The following FRMD4A variants were observed in gnomAD, a reference collection of about 807,000 sequenced individuals.
FRMD4A encodes FERM domain containing 4A.
In FRMD4A, 29 loss-of-function variants were observed where a neutral mutation model predicts 129.1. The ratio of observed to expected loss-of-function variants is 0.22; its 90% confidence interval spans 0.17 to 0.31. FRMD4A has a LOEUF of 0.31. Among genes scored for constraint, FRMD4A ranks in the 10% least tolerant of loss-of-function variants. The pLI is 1.00. For synonymous variants in FRMD4A, 634 were observed against 571.6 expected (o/e 1.11, Z -1.56); for missense variants, 1,272 against 1,375.8 (o/e 0.92, Z 1.19).
In FRMD4A at chr10:14,174,943, T is replaced by C. The variant is rs77025769; in HGVS notation, c.45+155115A>G. 6.8e-3 allele frequency among the ~76,000 whole-genome samples: 1,031 copies of C among 150,976 alleles called. 8 individuals are homozygous for C. The highest frequency in any genetic ancestry group is 0.021 in the African/African-American group (870 of 41,088). ...TGGACGCGCGCGTACGGGCACACTG[T>C]CCAGGAGTCCAAATAAATCAGGATT... On this transcript the variant is annotated intron_variant, in intron 2 of 24. Coordinates refer to ENST00000357447, the MANE Select transcript of FRMD4A (RefSeq NM_018027.5).
chr10:13,983,150 G>A (rs1271479470), intron 2 of FRMD4A, among the ~76,000 whole-genome samples: 3 of 152,104 alleles, frequency 2.0e-5, no homozygotes, highest in Non-Finnish European at 2.9e-5. Flanking sequence ...TAGTGGAGAT[G>A]AGGTTTCACC....
chr10:13,811,739 C>T (rs1196689437), intron 3 of FRMD4A, among the ~76,000 whole-genome samples: 5 of 152,148 alleles, frequency 3.3e-5, no homozygotes, highest in Non-Finnish European at 7.3e-5. Context: ...GAAAGGCTGT[C>T]TGATGCGGAA....
intron 2 of FRMD4A, among the ~76,000 whole-genome samples, chr10:14,011,483 A>G (rs1310091383): frequency 6.6e-6 from 1 of 152,128 alleles, no homozygotes; most frequent in East Asian, 1.9e-4. Flanking sequence ...GCCTTCATCC[A>G]TGGTCAAGGG....
intron 2 of FRMD4A, among the ~76,000 whole-genome samples, chr10:13,903,812 G>A (rs879546930): frequency 2.9e-4 from 44 of 152,292 alleles, no homozygotes; most frequent in Admixed American, 2.7e-3. Flanking sequence ...GAACCCAGGT[G>A]TTGGAGGCTG....
intron 3 of FRMD4A, among the ~76,000 whole-genome samples, chr10:13,839,715 T>C (rs2093932820): frequency 1.3e-5 from 2 of 152,284 alleles, no homozygotes; most frequent in African/African-American, 4.8e-5. Context: ...AGGCTCCTGG[T>C]TCAGGAAAGG....
At chr10:14,182,606 A>T (rs1841949556) in intron 2 of FRMD4A, among the ~76,000 whole-genome samples, 1 of 152,156 alleles carries the variant, frequency 6.6e-6, no homozygotes, top group Non-Finnish European at 1.5e-5. Flanking sequence ...GGTGTGAAAG[A>T]GACCCCCATC....
chr10:14,082,341 A>G (rs1005608012), intron 2 of FRMD4A, among the ~76,000 whole-genome samples: 3 of 152,226 alleles, frequency 2.0e-5, no homozygotes, highest in Non-Finnish European at 4.4e-5. Flanking sequence ...AACCAACATA[A>G]GTAATTTCAG....
intron 12 of FRMD4A, among the ~76,000 whole-genome samples, chr10:13,724,769 G>A (rs923378362): frequency 2.0e-5 from 3 of 152,194 alleles, no homozygotes; most frequent in African/African-American, 4.8e-5. Context: ...CACAATCAAC[G>A]TGGCTATTTA....
At chr10:13,840,370 G>C (rs1564891059) in intron 3 of FRMD4A, among the ~76,000 whole-genome samples, 1 of 152,218 alleles carries the variant, frequency 6.6e-6, no homozygotes, top group Non-Finnish European at 1.5e-5. Context: ...CACCAAACCT[G>C]CCGAGACTCT....
chr10:14,330,215 G>A, intron 1 of FRMD4A, 32 bp from the exon 2 acceptor site: 2 of 1,067,508 alleles, frequency 1.9e-6, no homozygotes, highest in Non-Finnish European at 2.8e-6. Context: ...TCCAGACTTA[G>A]GGAGCAAAAG....
At chr10:13,738,015 G>C in intron 11 of FRMD4A, 85 bp from the exon 12 acceptor site, 1 of 783,210 alleles carries the variant, frequency 1.3e-6, no homozygotes, top group Non-Finnish European at 2.2e-6. Flanking sequence ...CTCAGGGGCA[G>C]ACGAGGGAAA....
intron 2 of FRMD4A, among the ~76,000 whole-genome samples, chr10:14,060,687 C>T (rs897857499): frequency 7.9e-5 from 12 of 152,200 alleles, no homozygotes; most frequent in Middle Eastern, 6.8e-3. Flanking sequence ...AAATCATTTC[C>T]ATATATGGGA....
rs1361714951 is a variant in FRMD4A at position 14,069,567 on chromosome 10, A to C, written c.46-210655T>G. On this transcript the variant is annotated intron_variant, in intron 2 of 24. Transcript: ENST00000357447. Reference sequence around the variant, plus strand: ...ATGACAGCATGCAGAAAATACTGTAAGAACAATTTAAGGGGATTTCCACAA... The same window carrying C: ...ATGACAGCATGCAGAAAATACTGTACGAACAATTTAAGGGGATTTCCACAA... 2.0e-5 allele frequency among the ~76,000 whole-genome samples: 3 copies of C among 152,220 alleles called. No individual in the cohort carries two copies. The East Asian group carries it at 5.8e-4, about 29-fold the overall frequency.
intron 3 of FRMD4A, among the ~76,000 whole-genome samples, chr10:13,852,116 C>A (rs1033683123): frequency 3.3e-5 from 5 of 152,086 alleles, no homozygotes; most frequent in African/African-American, 4.8e-5. Flanking sequence ...ACCTCCCACA[C>A]CCCATCTGTG....
chr10:13,678,136 A>G (rs1589326509), intron 15 of FRMD4A, among the ~76,000 whole-genome samples: 1 of 152,282 alleles, frequency 6.6e-6, no homozygotes, highest in South Asian at 2.1e-4. Context: ...CATTAATGCT[A>G]CCCAAATTAT....
chr10:13,958,456 TG>T, intron 2 of FRMD4A, among the ~76,000 whole-genome samples: 1 of 151,706 alleles, frequency 6.6e-6, no homozygotes, highest in Non-Finnish European at 1.5e-5. Flanking sequence ...GCTAATTTTT[TG>T]TATTTTTAGT....
At chr10:13,960,085 G>A (rs1433522489) in intron 2 of FRMD4A, among the ~76,000 whole-genome samples, 2 of 152,280 alleles carry the variant, frequency 1.3e-5, no homozygotes, top group Admixed American at 1.3e-4. Flanking sequence ...ATACAGGGCT[G>A]TTTAGATTTC....
chr10:14,167,167 G>C (rs895462133), intron 2 of FRMD4A, among the ~76,000 whole-genome samples: 33 of 152,266 alleles, frequency 2.2e-4, no homozygotes, highest in Admixed American at 2.2e-3. Flanking sequence ...TTGACTATAT[G>C]AAAGTATGAA....
chr10:13,843,734 G>T (rs1201216598), intron 3 of FRMD4A, among the ~76,000 whole-genome samples: 3 of 152,168 alleles, frequency 2.0e-5, no homozygotes, highest in Non-Finnish European at 4.4e-5. Flanking sequence ...CTGACCTCAG[G>T]TGATCTACCT....
Sources: allele counts gnomAD v4.1 joint callset (sites outside exome capture counted in the v4.1 genomes callset), GRCh38; gene constraint gnomAD v4.1.1; transcripts MANE v1.5; gene names NCBI Gene and HGNC (gene_info 2026-07-23, HGNC 2026-07-21).